The following PKD2L2 variants were observed in gnomAD, a reference collection of about 807,000 sequenced individuals.
PKD2L2 encodes the protein polycystin 2 like 2, transient receptor potential cation channel.
PKD2L2 carries 67 observed loss-of-function variants against 83.9 expected under a neutral mutation model. That is an observed-to-expected ratio of 0.80 (90% confidence interval 0.66 to 0.98). The LOEUF (loss-of-function observed/expected upper bound fraction) is 0.98, where lower values mean the gene tolerates loss of function less well. Ranked by LOEUF, PKD2L2 falls within the 50% of genes least tolerant of loss-of-function variation. PKD2L2 has a pLI of 0.00. For missense variants in PKD2L2, 632 were observed against 717.2 expected, an observed-to-expected ratio of 0.88 and a Z score of 1.36; for synonymous variants, 223 against 237.8, an observed-to-expected ratio of 0.94 and a Z score of 0.57.
intron 12 of PKD2L2, among the ~76,000 whole-genome samples, chr5:137,928,721 T>C (rs1191748477): frequency 1.3e-5 from 2 of 152,156 alleles, no homozygotes; most frequent in African/African-American, 4.8e-5. Context: ...TGTGAGCCAC[T>C]GGGCCCAGGC....
chr5:137,910,270 TAATAAA>T (rs1242186312), intron 8 of PKD2L2, among the ~76,000 whole-genome samples: 2 of 141,976 alleles, frequency 1.4e-5, no homozygotes, highest in South Asian at 2.2e-4. Flanking sequence ...ATAATAATAA[TAATAAA>T]ACTTGGTAAT....
chr5:137,924,677 C>T (rs1580976427), intron 10 of PKD2L2, among the ~76,000 whole-genome samples: 2 of 152,318 alleles, frequency 1.3e-5, no homozygotes, highest in Admixed American at 1.3e-4. Flanking sequence ...AACTGTAAAG[C>T]TATCCCCCAA....
chr5:137,902,244 A>G (rs2150012952), intron 5 of PKD2L2, among the ~76,000 whole-genome samples: 1 of 152,156 alleles, frequency 6.6e-6, no homozygotes, highest in East Asian at 1.9e-4. Flanking sequence ...ACAGAAACTA[A>G]AGCAAAGGGT....
intron 5 of PKD2L2, among the ~76,000 whole-genome samples, chr5:137,900,209 C>T (rs941878064): frequency 9.2e-5 from 14 of 152,192 alleles, no homozygotes; most frequent in African/African-American, 3.4e-4. Context: ...TCTCCTGTTG[C>T]TATTGCAGTG....
intron 12 of PKD2L2, among the ~76,000 whole-genome samples, chr5:137,934,205 T>G (rs997379321): frequency 1.4e-4 from 22 of 152,088 alleles, no homozygotes; most frequent in Admixed American, 1.3e-3. Flanking sequence ...CGTAGGAGCT[T>G]GGAGCAAGGG....
intron 5 of PKD2L2, among the ~76,000 whole-genome samples, chr5:137,900,244 T>G (rs1183250822): frequency 6.6e-6 from 1 of 152,240 alleles, no homozygotes; most frequent in Admixed American, 6.5e-5. Flanking sequence ...GAGTATCCAT[T>G]TAAAGTGTCG....
At chr5:137,934,913 T>C (rs1695748224) in intron 12 of PKD2L2, among the ~76,000 whole-genome samples, 2 of 152,080 alleles carry the variant, frequency 1.3e-5, no homozygotes, top group Non-Finnish European at 2.9e-5. Flanking sequence ...AATGTTGGTT[T>C]AAAGAAAGGC....
At chr5:137,917,253 C>T (rs1184992041) in intron 8 of PKD2L2, among the ~76,000 whole-genome samples, 5 of 151,574 alleles carry the variant, frequency 3.3e-5, no homozygotes, top group African/African-American at 1.2e-4. Context: ...CAGACTCCGC[C>T]TGTTGGGTTC....
chr5:137,923,542 A>C, intron 10 of PKD2L2, 21 bp downstream of exon 10: 2 of 1,054,310 alleles, frequency 1.9e-6, no homozygotes, highest in Non-Finnish European at 3.0e-6. Context: ...TTTCTTTCCT[A>C]ATTAGAATTC....
In PKD2L2 at chr5:137,935,829, G is replaced by T. The variant is rs150823352; in HGVS notation, c.1704G>T (p.Trp568Cys). Residue 568 changes from tryptophan (W) to cysteine (C), a missense_variant, in exon 13 of 15, where the codon TGG (tryptophan) becomes TGT (cysteine). Physicochemically the swap from Trp to Cys is radical, Grantham distance 215. Around this residue, in one of 3 missense-constraint regions of PKD2L2, gnomAD observed 399 missense variants for 416.9 expected, o/e 0.96. Transcript: ENST00000508883. ...AAAACGCAGAGCAGATGAAAAAATGGAAAGAGAGGCTTGAGAAAAAGTATT... is the reference window on the plus strand; with the variant it reads ...AAAACGCAGAGCAGATGAAAAAATGTAAAGAGAGGCTTGAGAAAAAGTATT... Reference protein sequence around the residue: ...EIQNAEQMKKWKERLEKKYYS... With the variant: ...EIQNAEQMKKCKERLEKKYYS... 3.7e-4 allele frequency: 590 copies of T among 1,610,278 alleles called. 3 individuals are homozygous for T. The highest frequency in any genetic ancestry group is 6.6e-4 in the Middle Eastern group (4 of 6,046).
At chr5:137,921,145 G>A (rs1309597524) in intron 8 of PKD2L2, among the ~76,000 whole-genome samples, 1 of 152,158 alleles carries the variant, frequency 6.6e-6, no homozygotes, top group Non-Finnish European at 1.5e-5. Flanking sequence ...CGGATCACTT[G>A]AGGCCAGGAG....
At chr5:137,914,361 G>A (rs2150032350) in intron 8 of PKD2L2, among the ~76,000 whole-genome samples, 1 of 152,016 alleles carries the variant, frequency 6.6e-6, no homozygotes, top group East Asian at 1.9e-4. Flanking sequence ...TTCAGCTTTG[G>A]AATGCTCAAC....
intron 8 of PKD2L2, among the ~76,000 whole-genome samples, chr5:137,916,147 GGCATGAGTCATCA>G (rs1221212650): frequency 6.6e-6 from 1 of 151,818 alleles, no homozygotes; most frequent in Non-Finnish European, 1.5e-5. Context: ...TGGGATCACA[GGCATGAGTCATCA>G]TGCCCAGCTC....
At chr5:137,928,383 C>CAAAAAAA (rs57825667) in intron 12 of PKD2L2, among the ~76,000 whole-genome samples, 6 of 111,486 alleles carry the variant, frequency 5.4e-5, no homozygotes, top group Non-Finnish European at 9.1e-5. Context: ...ACAAAAAGTA[C>CAAAAAAA]AAAAAAAAAA....
At chr5:137,934,381 C>G (rs1760131542) in intron 12 of PKD2L2, among the ~76,000 whole-genome samples, 1 of 152,168 alleles carries the variant, frequency 6.6e-6, no homozygotes, top group Non-Finnish European at 1.5e-5. Flanking sequence ...TATAATTGGC[C>G]TGGTCATTTA....
rs368207131 is a variant in PKD2L2, at chr5:137,901,136, C to CAA, written c.746+1411_746+1412dup. Among the ~76,000 whole-genome samples the CAA allele has an allele frequency of 9.1e-4, 108 of 118,494 alleles. 3 individuals carry two copies. Among genetic ancestry groups the CAA allele is most frequent in the Non-Finnish European group, 2.3e-4 (13 of 55,898 alleles). The allele number at this position is 118,494 out of a possible 152,430, so 77.7% of individuals were successfully genotyped here. On this transcript the variant is annotated intron_variant, in intron 5 of 14. Coordinates refer to ENST00000508883, the MANE Select transcript of PKD2L2 (RefSeq NM_001300921.2). ...GGACAACAAGAGCAAAACTGTGTCT[C>CAA]AAAAAAAAAAAAAGAAAGAAAGAAA...
At chr5:137,916,668 C>T (rs1409354970) in intron 8 of PKD2L2, among the ~76,000 whole-genome samples, 5 of 151,182 alleles carry the variant, frequency 3.3e-5, no homozygotes, top group Admixed American at 2.6e-4. Context: ...TTAGTAGAGG[C>T]GGGGTTTTGC....
At chr5:137,903,389 A>G (rs769107415) in intron 5 of PKD2L2, among the ~76,000 whole-genome samples, 1 of 152,250 alleles carries the variant, frequency 6.6e-6, no homozygotes, top group African/African-American at 2.4e-5. Context: ...GGCCAGGCAA[A>G]AAGATGTGAA....
At chr5:137,940,158 A>G (rs1761212975) in intron 14 of PKD2L2, 1 of 1,613,540 alleles carries the variant, frequency 6.2e-7, no homozygotes, top group South Asian at 1.1e-5. Context: ...GTACCAGCCA[A>G]GTACACACGA....
Sources: gnomAD v4.1 joint callset for allele counts (sites outside exome capture counted in the v4.1 genomes callset) on GRCh38, gnomAD v4.1.1 for gene constraint, gnomAD v4.1.1 regional missense constraint, MANE v1.5 for transcripts, NCBI Gene and HGNC (gene_info 2026-07-23, HGNC 2026-07-21) for gene names.